The following SLIT3 variants were observed in gnomAD, a reference collection of about 807,000 sequenced individuals.
SLIT3 encodes the protein slit homolog 3 protein.
In SLIT3, 68 loss-of-function variants were observed where a neutral mutation model predicts 184.0. The ratio of observed to expected loss-of-function variants is 0.37; its 90% CI spans 0.30 to 0.45. The LOEUF is 0.45. SLIT3 is among the 20% of genes least tolerant of loss of function. The probability of loss-of-function intolerance (pLI) is 1.00; values close to 1 mark genes in which losing one functional copy is unlikely to be tolerated. For missense variants in SLIT3, 1,707 were observed against 2,026.0 expected, an observed-to-expected ratio of 0.84 and a Z score of 3.02; for synonymous variants, 831 against 828.6, an observed-to-expected ratio of 1.00 and a Z score of -0.05.
intron 35 of SLIT3, chr5:168,667,653 G>C (rs1035108433): frequency 2.0e-5 from 3 of 152,326 alleles, no homozygotes; most frequent in African/African-American, 7.2e-5. Flanking sequence ...CTTGACCCTT[G>C]ACAAGCAAGT....
chr5:168,698,269 C>T (rs566382012), intron 27 of SLIT3, among the ~76,000 whole-genome samples: 4 of 152,288 alleles, frequency 2.6e-5, no homozygotes, highest in South Asian at 2.1e-4. Flanking sequence ...TACATCAGAA[C>T]GTGATCTTAT....
chr5:169,202,637 C>A (rs1304994404), intron 3 of SLIT3, among the ~76,000 whole-genome samples: 1 of 152,094 alleles, frequency 6.6e-6, no homozygotes, highest in African/African-American at 2.4e-5. Context: ...GCCGGCCATG[C>A]CTCTCTGGTT....
chr5:168,860,324 A>G (rs1759056303), intron 5 of SLIT3, among the ~76,000 whole-genome samples: 1 of 152,152 alleles, frequency 6.6e-6, no homozygotes, highest in Non-Finnish European at 1.5e-5. Context: ...CTAAAACAAT[A>G]AAAGGTGATT....
intron 2 of SLIT3, among the ~76,000 whole-genome samples, chr5:169,247,430 C>G (rs1765629869): frequency 6.6e-6 from 1 of 152,102 alleles, no homozygotes; most frequent in African/African-American, 2.4e-5. Context: ...TATTTCCTTG[C>G]TGGATGACAA....
Position 168,666,683 on chromosome 5 carries a change from G to A in SLIT3, c.4343C>T (p.Pro1448Leu), listed in dbSNP as rs755657006. The change falls in exon 36 of 36, where the codon CCG becomes CTG. Residue 1448 changes from proline to leucine, a missense_variant. By Grantham distance (98) the Pro-to-Leu change is moderately conservative. Coordinates refer to ENST00000519560, the MANE Select transcript of SLIT3 (RefSeq NM_003062.4). ...CTCTCGGACTACTTGTCCCAGGCAC[G>A]GATTCTCTGCAGAGGGCATAGAAGT... is the stretch of plus-strand genomic sequence containing the variant. ...FSGEHCQQEN[P>L]CLGQVVREVI... 1.7e-5 allele frequency: 27 copies of A among 1,614,072 alleles called. No individual in the cohort carries two copies. Among genetic ancestry groups the A allele is most frequent in the Admixed American group, 8.3e-5 (5 of 60,024 alleles).
At position 169,300,439 on chromosome 5, in the gene SLIT3, C is replaced by T. The variant is rs1334966260; in HGVS notation, c.197+74G>A. 3 of 1,374,652 alleles carry T rather than the reference C, an allele frequency of 2.2e-6. No homozygotes were observed. Among genetic ancestry groups the T allele is most frequent in the South Asian group, 1.6e-5 (1 of 61,246 alleles). 85.2% of individuals were successfully genotyped at this position (1,374,652 alleles called of 1,614,324 possible). On this transcript the variant is annotated intron_variant, in intron 1 of 35. Coordinates refer to ENST00000519560, the MANE Select transcript of SLIT3 (RefSeq NM_003062.4). The surrounding 1 kb of genome is among the most constrained non-coding windows in gnomAD (Gnocchi z 4.1). The stretch of plus-strand genomic sequence containing the variant: ...ATCCAGGGAGGCCGAGGGGAAAGGA[C>T]GGATCTGGCGCCTGGGGCCCCCTCG...
chr5:169,080,970 C>A (rs545873075), intron 4 of SLIT3, among the ~76,000 whole-genome samples: 2 of 152,258 alleles, frequency 1.3e-5, no homozygotes, highest in African/African-American at 4.8e-5. Context: ...AACAGGATAA[C>A]CCCTGAGCTG....
At chr5:168,976,427 A>C (rs1754765237) in intron 4 of SLIT3, among the ~76,000 whole-genome samples, 1 of 152,210 alleles carries the variant, frequency 6.6e-6, no homozygotes, top group East Asian at 1.9e-4. Flanking sequence ...GTTGCTAGAG[A>C]GCCTTTTCAA....
chr5:168,893,365 C>T (rs900489145), intron 4 of SLIT3, among the ~76,000 whole-genome samples: 4 of 152,154 alleles, frequency 2.6e-5, no homozygotes, highest in African/African-American at 9.7e-5. Flanking sequence ...TGGTCCCCAC[C>T]CCCTCTGTCC....
At chr5:168,722,366 A>G (rs2113369622) in intron 22 of SLIT3, 39 bp from the exon 23 acceptor site, 5 of 1,554,300 alleles carry the variant, frequency 3.2e-6, no homozygotes, top group Non-Finnish European at 3.6e-6. Context: ...GTGTCTTTCT[A>G]TTCTCTACCA....
At chr5:169,194,233 C>CAAAAAAAAAAAAAAAAAAAAA (rs10571842) in intron 3 of SLIT3, among the ~76,000 whole-genome samples, 1 of 61,382 alleles carries the variant, frequency 1.6e-5, no homozygotes, top group African/African-American at 7.1e-5. Flanking sequence ...GACTCTGTCT[C>CAAAAAAAAAAAAAAAAAAAAA]AAAAAAAAAA....
chr5:168,760,052 G>A (rs1019249031), intron 16 of SLIT3, among the ~76,000 whole-genome samples: 9 of 152,180 alleles, frequency 5.9e-5, no homozygotes, highest in African/African-American at 1.2e-4. Flanking sequence ...ATGCCAGCTC[G>A]GGGACCCATT....
At chr5:168,760,273 C>A (rs1349857514) in intron 16 of SLIT3, among the ~76,000 whole-genome samples, 3 of 152,120 alleles carry the variant, frequency 2.0e-5, no homozygotes, top group African/African-American at 7.2e-5. Flanking sequence ...GGTCTGAGCT[C>A]CTGTGCAGGG....
intron 4 of SLIT3, chr5:169,017,864 G>A (rs988304055): frequency 1.3e-5 from 2 of 152,190 alleles, no homozygotes; most frequent in African/African-American, 4.8e-5. Flanking sequence ...AAGTAATCTG[G>A]AGCCACTAAG....
intron 23 of SLIT3, chr5:168,717,923 G>A (rs981833148): frequency 2.6e-5 from 4 of 152,188 alleles, no homozygotes; most frequent in African/African-American, 4.8e-5. Flanking sequence ...GCCTCCCAAA[G>A]TGCTGGGATT....
intron 9 of SLIT3, among the ~76,000 whole-genome samples, chr5:168,802,315 G>T (rs929655832): frequency 1.3e-5 from 2 of 151,974 alleles, no homozygotes; most frequent in Admixed American, 6.6e-5. Flanking sequence ...CATCACACAG[G>T]TCCCCAGGTA....
chr5:169,125,792 C>T (rs1004923729), intron 4 of SLIT3, among the ~76,000 whole-genome samples: 3 of 152,224 alleles, frequency 2.0e-5, no homozygotes, highest in African/African-American at 4.8e-5. Context: ...TGCCAACGAA[C>T]GCATTCCTTC....
chr5:168,995,208 C>T (rs2113400778), intron 4 of SLIT3, among the ~76,000 whole-genome samples: 1 of 152,286 alleles, frequency 6.6e-6, no homozygotes, highest in East Asian at 1.9e-4. Flanking sequence ...CAAATTGACC[C>T]AGTGTGAGAG....
At chr5:168,804,310 C>CAAAAAAAAAA (rs770650322) in intron 9 of SLIT3, among the ~76,000 whole-genome samples, 13 of 52,366 alleles carry the variant, frequency 2.5e-4, no homozygotes, top group Admixed American at 3.3e-4. Flanking sequence ...AACTCTTTCT[C>CAAAAAAAAAA]AAAAAAAAAA....
Sources: allele counts gnomAD v4.1 joint callset (sites outside exome capture counted in the v4.1 genomes callset), GRCh38; gene constraint gnomAD v4.1.1; non-coding constraint Gnocchi (gnomAD v3.1); transcripts MANE v1.5; gene names NCBI Gene and HGNC (gene_info 2026-07-23, HGNC 2026-07-21).